Variants in SCP2 observed in about 807,000 individuals in gnomAD.
SCP2 encodes the protein SCP-2/3-oxoacyl-CoA thiolase.
In SCP2, 48 loss-of-function variants were observed where a neutral mutation model predicts 71.4. The ratio of observed to expected loss-of-function variants is 0.67; its 90% CI spans 0.53 to 0.86. SCP2 has a LOEUF of 0.86. Among genes scored for constraint, SCP2 ranks in the 40% least tolerant of loss-of-function variants. The pLI, the probability that SCP2 is intolerant of heterozygous loss-of-function variation, is 0.00. For missense variants in SCP2, 560 were observed against 655.6 expected (o/e 0.85, Z 1.59); for synonymous variants, 220 against 218.1 (o/e 1.01, Z -0.08).
At chr1:53,005,210 G>T (rs1489189634) in intron 11 of SCP2, among the ~76,000 whole-genome samples, 1 of 152,176 alleles carries the variant, frequency 6.6e-6, no homozygotes. Flanking sequence ...GGGCATAGCT[G>T]AACAAAAGGC....
chr1:53,027,198 G>C (rs1662193899), intron 12 of SCP2, among the ~76,000 whole-genome samples: 1 of 152,102 alleles, frequency 6.6e-6, no homozygotes, highest in African/African-American at 2.4e-5. Flanking sequence ...GGGACTACAG[G>C]CACGCACCAC....
At chr1:52,978,632 A>G (rs1658197439) in intron 9 of SCP2, among the ~76,000 whole-genome samples, 1 of 152,114 alleles carries the variant, frequency 6.6e-6, no homozygotes, top group South Asian at 2.1e-4. Context: ...GTGCGATCTC[A>G]GCTTACTATA....
chr1:53,044,884 T>C (rs150822545), intron 14 of SCP2, among the ~76,000 whole-genome samples: 83 of 152,232 alleles, frequency 5.5e-4, no homozygotes, highest in East Asian at 5.2e-3. Context: ...ACTTTGATAA[T>C]AAAATTAATA....
intron 11 of SCP2, among the ~76,000 whole-genome samples, chr1:53,002,108 T>C (rs1327034783): frequency 1.4e-5 from 2 of 147,490 alleles, no homozygotes. Context: ...GGCGTGAGCC[T>C]GGGAGGCGGC....
chr1:52,954,365 G>GGGGT (rs1274987415), intron 4 of SCP2, among the ~76,000 whole-genome samples: 12 of 151,164 alleles, frequency 7.9e-5, no homozygotes, highest in African/African-American at 2.7e-4. Context: ...AAACCTTTGT[G>GGGGT]GGGTTATAGT....
chr1:52,967,848 A>T (rs1019293409), intron 6 of SCP2, among the ~76,000 whole-genome samples: 1 of 152,186 alleles, frequency 6.6e-6, no homozygotes, highest in African/African-American at 2.4e-5. Context: ...ATGTTCCTAT[A>T]GATAATCACA....
chr1:53,013,263 G>C (rs543015700), intron 11 of SCP2, among the ~76,000 whole-genome samples: 3 of 151,240 alleles, frequency 2.0e-5, no homozygotes, highest in African/African-American at 4.8e-5. Context: ...CTACAGACAT[G>C]TGTCCCCATG....
At chr1:53,027,607 C>T (rs1004880149) in intron 12 of SCP2, among the ~76,000 whole-genome samples, 2 of 152,142 alleles carry the variant, frequency 1.3e-5, no homozygotes, top group Non-Finnish European at 1.5e-5. Context: ...TAGGTTCAAG[C>T]GATTCTCCTA....
At chr1:52,993,661 A>G (rs758915151) in intron 11 of SCP2, 134 of 1,612,216 alleles carry the variant, frequency 8.3e-5, no homozygotes, top group Admixed American at 4.0e-4. Flanking sequence ...GCTTTGTGTA[A>G]GAATCTTCAT....
chr1:52,928,250 G>A (rs1652717015), intron 1 of SCP2, among the ~76,000 whole-genome samples: 1 of 152,228 alleles, frequency 6.6e-6, no homozygotes, highest in Admixed American at 6.5e-5. Flanking sequence ...AAGCTCATAG[G>A]CGTCTGCGCG....
chr1:52,994,716 A>C, intron 11 of SCP2: 1 of 709,860 alleles, frequency 1.4e-6, no homozygotes, highest in South Asian at 1.5e-5. Context: ...AATTAAAATA[A>C]ATTTTAACCA....
At chr1:53,015,883 A>T (rs1473187350) in intron 12 of SCP2, among the ~76,000 whole-genome samples, 3 of 152,200 alleles carry the variant, frequency 2.0e-5, no homozygotes, top group Non-Finnish European at 4.4e-5. Context: ...AATGAAATTG[A>T]ATAACTTTGT....
chr1:52,941,734 C>CAAAAAA lies in SCP2; in HGVS notation c.70-52_70-47dup. 9 of 942,790 alleles carry CAAAAAA rather than the reference C, an allele frequency of 9.5e-6. No homozygotes were observed. The African/African-American group carries it at 1.1e-4, about 12-fold the overall frequency. The allele number at this position is 942,790 out of a possible 1,614,324, so 58.4% of individuals were successfully genotyped here. A position where few individuals can be genotyped will look rare whatever the true frequency, so the allele number is the denominator to read the frequency against. ...TGGGTAACAGAGCAAGACTCCGTCT[C>CAAAAAA]AAAAAAAAAAAAAAATGTAACTATA... On this transcript the variant is annotated intron_variant, in intron 1 of 15. Coordinates refer to ENST00000371514, the MANE Select transcript of SCP2 (RefSeq NM_002979.5).
At chr1:52,993,205 G>A in intron 11 of SCP2, 1 of 1,614,084 alleles carries the variant, frequency 6.2e-7, no homozygotes, top group Non-Finnish European at 8.5e-7. Context: ...TCTAGAAAAT[G>A]ACACAATGGC....
At chr1:52,953,351 T>C (rs1430375442) in intron 4 of SCP2, among the ~76,000 whole-genome samples, 1 of 152,112 alleles carries the variant, frequency 6.6e-6, no homozygotes, top group African/African-American at 2.4e-5. Flanking sequence ...TCCTCTTTTC[T>C]TTTTTTAGAA....
Position 53,045,651 on chromosome 1 carries a change from AT to A in SCP2, c.1469-2202del, listed in dbSNP as rs1663753726. ...TACATGAGAGTTTTAGTTCCTCCAC[AT>A]TTTTGACAGTACTTGGTACTTGCCA... On this transcript the variant is annotated intron_variant, in intron 14 of 15. Coordinates refer to ENST00000371514, the MANE Select transcript of SCP2 (RefSeq NM_002979.5). 3.3e-5 allele frequency among the ~76,000 whole-genome samples: 5 copies of A among 152,232 alleles called. No homozygotes were observed. In the South Asian group the frequency reaches 1.0e-3, roughly 31 times the overall value.
intron 6 of SCP2, among the ~76,000 whole-genome samples, chr1:52,971,631 A>G (rs1657503319): frequency 6.6e-6 from 1 of 152,264 alleles, no homozygotes; most frequent in Non-Finnish European, 1.5e-5. Context: ...AGTATGGAAC[A>G]GCCCTATAGA....
intron 11 of SCP2, among the ~76,000 whole-genome samples, chr1:53,014,062 A>AT (rs35223104): frequency 0.19 from 24,357 of 131,348 alleles, 2,576 homozygotes; most frequent in East Asian, 0.35. Context: ...CGCCCGGCTA[A>AT]TTTTTTTTTT....
intron 15 of SCP2, 86 bp downstream of exon 15, chr1:53,048,023 A>G (rs1378378294): frequency 1.1e-6 from 1 of 941,716 alleles, no homozygotes; most frequent in Non-Finnish European, 1.7e-6. Flanking sequence ...TCTAAAGTGC[A>G]AAGTGGTCAG....
Sources: gnomAD v4.1 joint callset for allele counts (sites outside exome capture counted in the v4.1 genomes callset) on GRCh38, gnomAD v4.1.1 for gene constraint, MANE v1.5 for transcripts, NCBI Gene and HGNC (gene_info 2026-07-23, HGNC 2026-07-21) for gene names.